Variants in CXCL6 observed in about 807,000 individuals in gnomAD.
The protein encoded by CXCL6 is C-X-C motif chemokine 6.
A neutral mutation model predicts 10.5 loss-of-function variants in CXCL6; 18 were observed. The ratio of observed to expected loss-of-function variants is 1.71; its 90% CI spans 1.18 to 2.54. The LOEUF (loss-of-function observed/expected upper bound fraction) is 2.54. Ranked by LOEUF, CXCL6 falls within the 30% of genes most tolerant of loss-of-function variation. The pLI is 0.00. For synonymous variants in CXCL6, 82 were observed against 68.3 expected, an observed-to-expected ratio of 1.20 and a Z score of -0.99; for missense variants, 171 against 145.7, an observed-to-expected ratio of 1.17 and a Z score of -0.90.
intron 3 of CXCL6, 136 bp downstream of exon 3, chr4:73,837,422 T>C: frequency 9.6e-7 from 1 of 1,040,434 alleles, no homozygotes; most frequent in Non-Finnish European, 1.4e-6. Context: ...AAGGAAACTT[T>C]TTTTCTGGAA....
intron 1 of CXCL6, 45 bp from the exon 2 acceptor site, chr4:73,836,918 GA>G: frequency 6.2e-7 from 1 of 1,605,512 alleles, no homozygotes; most frequent in African/African-American, 1.3e-5. Flanking sequence ...GCGTTCCAGG[GA>G]ACTCTCCCAG....
chr4:73,837,430 G>T, intron 3 of CXCL6, 144 bp downstream of exon 3: 1 of 980,856 alleles, frequency 1.0e-6, no homozygotes, highest in East Asian at 2.6e-5. Context: ...TTTTTTTCTG[G>T]AATGTTCTGG....
chr4:73,837,247 C>G lies in CXCL6; in HGVS notation c.287C>G (p.Ala96Gly), dbSNP rs1731124376. The G allele has an allele frequency of 6.2e-7, 1 of 1,614,132 alleles. No homozygotes were observed. The highest frequency in any genetic ancestry group is 8.5e-7 in the Non-Finnish European group (1 of 1,180,028). ...NGKQVCLDPE[A>G]PFLKKVIQKI... ...AAGCAAGTTTGTCTGGACCCGGAAG[C>G]CCCTTTTCTAAAGAAAGTCATCCAG... is the stretch of plus-strand genomic sequence containing the variant. The change falls in exon 3 of 4, where the codon GCC becomes GGC. Residue 96 changes from alanine to glycine, a missense_variant. Coordinates refer to ENST00000226317, the MANE Select transcript of CXCL6 (RefSeq NM_002993.4).
At position 73,837,218 on chromosome 4, in the gene CXCL6, C is replaced by A; in HGVS notation, c.258C>A (p.Asn86Lys). Reference protein sequence around the residue: ...SKVEVVASLKNGKQVCLDPEA... With the variant: ...SKVEVVASLKKGKQVCLDPEA... ...TTTACTTCAGAGCCTCCCTGAAGAACGGGAAGCAAGTTTGTCTGGACCCGG... is the reference window on the plus strand; with the variant it reads ...TTTACTTCAGAGCCTCCCTGAAGAAAGGGAAGCAAGTTTGTCTGGACCCGG... Residue 86 changes from asparagine (N) to lysine (K), a missense_variant, in exon 3 of 4, where the codon AAC (asparagine) becomes AAA (lysine). Coordinates refer to ENST00000226317, the MANE Select transcript of CXCL6 (RefSeq NM_002993.4). 6.2e-7 allele frequency: 1 copy of A among 1,614,040 alleles called. No homozygotes were observed. The highest frequency in any genetic ancestry group is 8.5e-7 in the Non-Finnish European group (1 of 1,180,012).
At position 73,838,156 on chromosome 4, in the gene CXCL6, A is replaced by G. The variant is rs1302082458; in HGVS notation, c.*515A>G. On this transcript the variant is annotated 3_prime_UTR_variant, in exon 4 of 4. Transcript: ENST00000226317. ...ACTCTTTACCCTAGGATGCTATTTA[A>G]GTTGTACTGTATTAGAACACTGGGT... is the stretch of plus-strand genomic sequence containing the variant. The G allele has an allele frequency of 6.6e-6, 1 of 152,314 alleles. No homozygotes were observed. The highest frequency in any genetic ancestry group is 1.5e-5 in the Non-Finnish European group (1 of 68,138). 9.4% of individuals were successfully genotyped at this position (152,314 alleles called of 1,614,324 possible). A position where few individuals can be genotyped will look rare whatever the true frequency, so the allele number is the denominator to read the frequency against.
At position 73,836,704 on chromosome 4, in the gene CXCL6, C is replaced by G. The variant is rs774318977; in HGVS notation, c.-47C>G. Reference sequence around the variant, plus strand: ...AAAGTGCTCTGTATCCTCCAGTCTCCGCGCCTCCACCCAGCTCAGGAACCC... The same window carrying G: ...AAAGTGCTCTGTATCCTCCAGTCTCGGCGCCTCCACCCAGCTCAGGAACCC... On this transcript the variant is annotated 5_prime_UTR_variant, in exon 1 of 4. Coordinates refer to ENST00000226317, the MANE Select transcript of CXCL6 (RefSeq NM_002993.4). The G allele has an allele frequency of 2.6e-6, 4 of 1,509,588 alleles. No individual in the cohort carries two copies. Among genetic ancestry groups the G allele is most frequent in the Non-Finnish European group, 3.6e-6 (4 of 1,104,500 alleles). 93.5% of individuals were successfully genotyped at this position (1,509,588 alleles called of 1,614,324 possible).
chr4:73,836,942 T>C (rs969497265), intron 1 of CXCL6, 22 bp from the exon 2 acceptor site: 8 of 1,603,678 alleles, frequency 5.0e-6, no homozygotes, highest in South Asian at 1.1e-5. Context: ...ACCTGCCCTA[T>C]AAAAATGTCT....
Position 73,836,837 on chromosome 4 carries a change from G to A in CXCL6, c.87G>A (p.Thr29=), listed in dbSNP as rs377412241. The change falls in exon 1 of 4, where the codon ACG becomes ACA. Residue 29 remains threonine (T), a synonymous_variant. Transcript: ENST00000226317. ...CALLALLLLL[T]PPGPLASAGP... Reference sequence around the variant, plus strand: ...TGCTCGCGCTGCTGCTCCTGCTGACGCCGCCGGGGCCCCTCGCCAGCGGTG... The same window carrying A: ...TGCTCGCGCTGCTGCTCCTGCTGACACCGCCGGGGCCCCTCGCCAGCGGTG... 1.2e-5 allele frequency: 20 copies of A among 1,611,996 alleles called. No homozygotes were observed. In the African/African-American group the frequency reaches 2.5e-4, roughly 20 times the overall value.
At position 73,837,284 on chromosome 4, in the gene CXCL6, C is replaced by G. The variant is rs552755043; in HGVS notation, c.324C>G (p.Asp108Glu). ...FLKKVIQKIL[D>E]SGNKKN ...AGAAAGTCATCCAGAAAATTTTGGA[C>G]AGGTATTTGTCCCTTTGATCTTTGT... The change falls in exon 3 of 4, where the codon GAC becomes GAG. Residue 108 changes from aspartate (D) to glutamate (E), a missense_variant and splice_region_variant. Asp to Glu is a conservative substitution (Grantham distance 45). Coordinates refer to ENST00000226317, the MANE Select transcript of CXCL6 (RefSeq NM_002993.4). The G allele has an allele frequency of 9.3e-6, 15 of 1,613,410 alleles. No individual in the cohort carries two copies. The highest frequency in any genetic ancestry group is 4.4e-5 in the South Asian group (4 of 91,072).
Position 73,836,762 on chromosome 4 carries a change from G to C in CXCL6, c.12G>C (p.Pro4=). The change falls in exon 1 of 4, where the codon CCG becomes CCC. Residue 4 remains proline (P), a synonymous_variant. Transcript: ENST00000226317. ...CTCTCTTGACCACTATGAGCCTCCC[G>C]TCCAGCCGCGCGGCCCGTGTCCCGG... MSL[P]SSRAARVPGP... The C allele has an allele frequency of 1.2e-6, 2 of 1,610,162 alleles. No individual in the cohort carries two copies. The highest frequency in any genetic ancestry group is 2.2e-5 in the South Asian group (2 of 90,732).
chr4:73,837,072 C>G lies in CXCL6; in HGVS notation c.218C>G (p.Pro73Arg). The part of the protein sequence containing the change: ...IGKLQVFPAG[P>R]QCSKVEVVAS... ...AAACTGCAGGTGTTCCCCGCAGGCC[C>G]GCAGTGCTCCAAGGTGGAAGTGGTG... Residue 73 changes from proline to arginine, a missense_variant, in exon 2 of 4, where the codon CCG (proline) becomes CGG (arginine). Coordinates refer to ENST00000226317, the MANE Select transcript of CXCL6 (RefSeq NM_002993.4). 6.2e-7 allele frequency: 1 copy of G among 1,613,626 alleles called. No homozygotes were observed. The highest frequency in any genetic ancestry group is 1.1e-5 in the South Asian group (1 of 91,002).
Position 73,837,868 on chromosome 4 carries a change from A to G in CXCL6, c.*227A>G, listed in dbSNP as rs1244440720. ...TATTTCCACTATTTACTGTTATTTTACCTGATAAGTTATTGAACCCTTTGG... is the reference window on the plus strand; with the variant it reads ...TATTTCCACTATTTACTGTTATTTTGCCTGATAAGTTATTGAACCCTTTGG... On this transcript the variant is annotated 3_prime_UTR_variant, in exon 4 of 4. Coordinates refer to ENST00000226317, the MANE Select transcript of CXCL6 (RefSeq NM_002993.4). 1 of 401,304 alleles carries G rather than the reference A, an allele frequency of 2.5e-6. No individual in the cohort carries two copies. The highest frequency in any genetic ancestry group is 4.5e-6 in the Non-Finnish European group (1 of 220,456). 24.9% of individuals were successfully genotyped at this position (401,304 alleles called of 1,614,324 possible).
rs961294275 is a variant in CXCL6, at chr4:73,836,807, C to G, written c.57C>G (p.Cys19Trp). The change falls in exon 1 of 4, where the codon TGC becomes TGG. Residue 19 changes from cysteine to tryptophan, a missense_variant. By Grantham distance (215) the Cys-to-Trp change is radical. Coordinates refer to ENST00000226317, the MANE Select transcript of CXCL6 (RefSeq NM_002993.4). ...ARVPGPSGSL[C>W]ALLALLLLLT... The stretch of plus-strand genomic sequence containing the variant: ...TCCCGGGTCCTTCGGGCTCCTTGTG[C>G]GCGCTGCTCGCGCTGCTGCTCCTGC... The G allele has an allele frequency of 6.2e-7, 1 of 1,611,948 alleles. No individual in the cohort carries two copies. Among genetic ancestry groups the G allele is most frequent in the Non-Finnish European group, 8.5e-7 (1 of 1,179,304 alleles).
At position 73,836,967 on chromosome 4, in the gene CXCL6, G is replaced by T. The variant is rs373993894; in HGVS notation, c.113G>T (p.Gly38Val). The T allele has an allele frequency of 4.6e-5, 74 of 1,607,248 alleles. No individual in the cohort carries two copies. The highest frequency in any genetic ancestry group is 6.0e-5 in the Non-Finnish European group (71 of 1,176,654). Residue 38 changes from glycine to valine, a missense_variant, in exon 2 of 4, where the codon GGT (glycine) becomes GTT (valine). Transcript: ENST00000226317. ...LTPPGPLASA[G>V]PVSAVLTELR... is the part of the protein sequence containing the mutation. ...TAAAAATGTCTTTCTTCCCCAGCTG[G>T]TCCTGTCTCTGCTGTGCTGACAGAG... is the stretch of plus-strand genomic sequence containing the variant.
intron 2 of CXCL6, 38 bp downstream of exon 2, chr4:73,837,134 G>C (rs4417936): frequency 6.2e-7 from 1 of 1,613,284 alleles, no homozygotes; most frequent in Non-Finnish European, 8.5e-7. Context: ...CTGTGACTTA[G>C]GCAAGTCCTC....
Position 73,837,203 on chromosome 4 carries a change from A to C in CXCL6, c.243A>C (p.Val81=). 6.2e-7 allele frequency: 1 copy of C among 1,614,088 alleles called. No individual in the cohort carries two copies. The highest frequency in any genetic ancestry group is 8.5e-7 in the Non-Finnish European group (1 of 1,179,978). ...TGCATCCTCTTTTTCTTTACTTCAG[A>C]GCCTCCCTGAAGAACGGGAAGCAAG... is the stretch of plus-strand genomic sequence containing the variant. The part of the protein sequence containing the change: ...AGPQCSKVEV[V]ASLKNGKQVC... The change falls in exon 3 of 4, where the codon GTA becomes GTC. Residue 81 remains valine (V), a splice_region_variant and synonymous_variant. Transcript: ENST00000226317.
rs1487459525 is a variant in CXCL6, at chr4:73,838,369, T to C, written c.*728T>C. 1 of 152,234 alleles carries C rather than the reference T, an allele frequency of 6.6e-6. No individual in the cohort carries two copies. Among genetic ancestry groups the C allele is most frequent in the African/African-American group, 2.4e-5 (1 of 41,474 alleles). The allele number at this position is 152,234 out of a possible 1,614,324, so 9.4% of individuals were successfully genotyped here. ...TGCTATTTTTTCACTATAGGATGACTATAATTCTGGTCACTAAATATACAC... is the reference window on the plus strand; with the variant it reads ...TGCTATTTTTTCACTATAGGATGACCATAATTCTGGTCACTAAATATACAC... On this transcript the variant is annotated 3_prime_UTR_variant, in exon 4 of 4. Transcript: ENST00000226317.
Position 73,836,697 on chromosome 4 carries a change from C to T in CXCL6, c.-54C>T. On this transcript the variant is annotated 5_prime_UTR_variant, in exon 1 of 4. Transcript: ENST00000226317. ...GGAAACCAAAGTGCTCTGTATCCTC[C>T]AGTCTCCGCGCCTCCACCCAGCTCA... is the stretch of plus-strand genomic sequence containing the variant. 6.9e-7 allele frequency: 1 copy of T among 1,452,726 alleles called. No homozygotes were observed. Among genetic ancestry groups the T allele is most frequent in the East Asian group, 2.4e-5 (1 of 40,972 alleles). The allele number at this position is 1,452,726 out of a possible 1,614,324, so 90.0% of individuals were successfully genotyped here. A position where few individuals can be genotyped will look rare whatever the true frequency, so the allele number is the denominator to read the frequency against.
chr4:73,837,420 T>G (rs1487436450), intron 3 of CXCL6, 134 bp downstream of exon 3: 1 of 1,049,836 alleles, frequency 9.5e-7, no homozygotes. Context: ...ATAAGGAAAC[T>G]TTTTTTCTGG....
Sources: gnomAD v4.1 joint callset for allele counts on GRCh38, gnomAD v4.1.1 for gene constraint, MANE v1.5 for transcripts, NCBI Gene and HGNC (gene_info 2026-07-23, HGNC 2026-07-21) for gene names.